Variants in PPP1R12B observed in about 807,000 individuals in gnomAD.
PPP1R12B encodes myosin phosphatase target subunit 2.
Under a neutral mutation model 126.1 loss-of-function variants are expected in PPP1R12B, and 76 were observed. The ratio of observed to expected loss-of-function variants is 0.60; its 90% CI spans 0.50 to 0.73. The LOEUF (loss-of-function observed/expected upper bound fraction) is 0.73. Ranked by LOEUF, PPP1R12B falls within the 30% of genes least tolerant of loss-of-function variation. The pLI is 0.00. For synonymous variants in PPP1R12B, 356 were observed against 434.7 expected (o/e 0.82, Z 2.25); for missense variants, 1,052 against 1,205.1 (o/e 0.87, Z 1.88).
At chr1:202,481,246 G>A (rs1348423203) in intron 13 of PPP1R12B, among the ~76,000 whole-genome samples, 1 of 152,166 alleles carries the variant, frequency 6.6e-6, no homozygotes, top group African/African-American at 2.4e-5. Context: ...GGGGGTTGGG[G>A]ACCCCTGTTT....
chr1:202,402,895 T>G (rs897433151), intron 1 of PPP1R12B, among the ~76,000 whole-genome samples: 10 of 152,318 alleles, frequency 6.6e-5, no homozygotes, highest in African/African-American at 2.2e-4. Context: ...TAACTCTAGT[T>G]TATAGTTAAG....
intron 18 of PPP1R12B, chr1:202,540,206 C>G: frequency 6.2e-7 from 1 of 1,610,266 alleles, no homozygotes; most frequent in East Asian, 2.2e-5. Flanking sequence ...TGATTCTCCC[C>G]CAGCATCTCC....
chr1:202,481,081 T>C (rs1228429524), intron 13 of PPP1R12B, among the ~76,000 whole-genome samples: 2 of 152,212 alleles, frequency 1.3e-5, no homozygotes, highest in South Asian at 4.1e-4. Context: ...ATTCCTGGCA[T>C]GGGCAGCTCA....
intron 18 of PPP1R12B, among the ~76,000 whole-genome samples, chr1:202,546,374 A>G (rs1276415644): frequency 6.6e-6 from 1 of 152,104 alleles, no homozygotes; most frequent in Admixed American, 6.5e-5. Flanking sequence ...GGAGGCAGAG[A>G]TGGGAGGATT....
rs753089944 is a variant in PPP1R12B at position 202,416,932 on chromosome 1, G to C, written c.422+15G>C. ...AACATAGCAGAGTGAGTGAGTCTCTGTGTGTGTGGCTTTGTAGTATTTGTA... is the reference window on the plus strand; with the variant it reads ...AACATAGCAGAGTGAGTGAGTCTCTCTGTGTGTGGCTTTGTAGTATTTGTA... On this transcript the variant is annotated intron_variant, in intron 2 of 23. Transcript: ENST00000608999. The C allele has an allele frequency of 5.1e-5, 82 of 1,609,770 alleles. No homozygotes were observed. Among genetic ancestry groups the C allele is most frequent in the Non-Finnish European group, 6.6e-5 (78 of 1,177,626 alleles).
chr1:202,577,561 T>C (rs1328450018), intron 23 of PPP1R12B, among the ~76,000 whole-genome samples: 5 of 152,106 alleles, frequency 3.3e-5, no homozygotes, highest in South Asian at 2.1e-4. Context: ...CGAGAGATTT[T>C]ACTCTACCTT....
At chr1:202,374,145 T>A (rs1660755110) in intron 1 of PPP1R12B, among the ~76,000 whole-genome samples, 1 of 152,192 alleles carries the variant, frequency 6.6e-6, no homozygotes, top group South Asian at 2.1e-4. Context: ...TATATCCAAC[T>A]GGATTCTCAT....
At chr1:202,541,827 G>A (rs1036894569) in intron 18 of PPP1R12B, among the ~76,000 whole-genome samples, 3 of 151,960 alleles carry the variant, frequency 2.0e-5, no homozygotes, top group African/African-American at 4.8e-5. Flanking sequence ...CCCTACCCTC[G>A]TTTCACCACC....
chr1:202,440,922 C>T, intron 11 of PPP1R12B, 134 bp downstream of exon 11: 1 of 677,526 alleles, frequency 1.5e-6, no homozygotes, highest in Non-Finnish European at 2.5e-6. Flanking sequence ...ATTCCTTCTG[C>T]TTAGAACACC....
intron 18 of PPP1R12B, among the ~76,000 whole-genome samples, chr1:202,537,875 T>C (rs1399024400): frequency 6.6e-6 from 1 of 152,242 alleles, no homozygotes; most frequent in African/African-American, 2.4e-5. Context: ...TTTCTTTAAG[T>C]GAAAAGATCT....
chr1:202,572,024 A>G (rs1429129964), intron 23 of PPP1R12B, among the ~76,000 whole-genome samples: 1 of 152,238 alleles, frequency 6.6e-6, no homozygotes. Flanking sequence ...CAAAGATGCA[A>G]ATATATAAAT....
Position 202,462,092 on chromosome 1 carries a change from A to G in PPP1R12B, c.1850+12921A>G, listed in dbSNP as rs190491519. Among the ~76,000 whole-genome samples the G allele has an allele frequency of 1.5e-4, 23 of 152,318 alleles. No individual in the cohort carries two copies. The East Asian group carries it at 3.9e-3, about 26-fold the overall frequency. On this transcript the variant is annotated intron_variant, in intron 13 of 23. Coordinates refer to ENST00000608999, the MANE Select transcript of PPP1R12B (RefSeq NM_002481.4). ...GATACTAAGGTGAGCATGTTTTAAA[A>G]TCGGTTATAGTGACGATTGCATAAA...
At chr1:202,575,376 A>C in intron 23 of PPP1R12B, 1 of 491,294 alleles carries the variant, frequency 2.0e-6, no homozygotes. Context: ...CAATATATTC[A>C]TTTGGTAAGG....
At chr1:202,488,728 C>A in intron 14 of PPP1R12B, 105 bp downstream of exon 14, 2 of 911,508 alleles carry the variant, frequency 2.2e-6, no homozygotes, top group Non-Finnish European at 1.7e-6. Context: ...GATTTAAACA[C>A]ACACACACAC....
At chr1:202,388,302 G>A (rs1373024289) in intron 1 of PPP1R12B, among the ~76,000 whole-genome samples, 1 of 152,126 alleles carries the variant, frequency 6.6e-6, no homozygotes, top group Non-Finnish European at 1.5e-5. Context: ...TTCTGCCTCA[G>A]CCTCCTGAGT....
chr1:202,504,397 A>C (rs565914149), intron 18 of PPP1R12B, among the ~76,000 whole-genome samples: 132 of 152,238 alleles, frequency 8.7e-4, no homozygotes, highest in African/African-American at 3.0e-3. Context: ...TGTCCCCCCC[A>C]AAAAAAGAAG....
chr1:202,452,743 T>C (rs1673166524), intron 13 of PPP1R12B, among the ~76,000 whole-genome samples: 1 of 152,104 alleles, frequency 6.6e-6, no homozygotes, highest in Non-Finnish European at 1.5e-5. Context: ...TTTGGTGGAG[T>C]CTTTAGGTTT....
intron 18 of PPP1R12B, among the ~76,000 whole-genome samples, chr1:202,523,251 T>G (rs1424228296): frequency 6.6e-6 from 1 of 152,068 alleles, no homozygotes; most frequent in Non-Finnish European, 1.5e-5. Context: ...GGGAGTAAGA[T>G]GAAAAGGCAG....
chr1:202,464,165 ACTGT>A (rs1392268515), intron 13 of PPP1R12B, among the ~76,000 whole-genome samples: 1 of 152,102 alleles, frequency 6.6e-6, no homozygotes, highest in Non-Finnish European at 1.5e-5. Flanking sequence ...TTTTTGTAAC[ACTGT>A]CTTAGGATTG....
Sources: allele counts gnomAD v4.1 joint callset (sites outside exome capture counted in the v4.1 genomes callset), GRCh38; gene constraint gnomAD v4.1.1; transcripts MANE v1.5; gene names NCBI Gene and HGNC (gene_info 2026-07-23, HGNC 2026-07-21).